THSD4: variants seen among roughly 807,000 people sequenced by gnomAD.
THSD4 encodes the protein thrombospondin type-1 domain-containing protein 4.
In THSD4, 69 loss-of-function variants were observed where a neutral mutation model predicts 119.0. The observed-to-expected ratio is 0.58, with a 90% CI of 0.48 to 0.71. THSD4 has a LOEUF of 0.71. Ranked by LOEUF, THSD4 falls within the 30% of genes least tolerant of loss-of-function variation. The probability of loss-of-function intolerance (pLI) is 0.00; values close to 1 mark genes in which losing one functional copy is unlikely to be tolerated. For synonymous variants in THSD4, 524 were observed against 540.4 expected (o/e 0.97, Z 0.42); for missense variants, 1,393 against 1,391.1 (o/e 1.00, Z -0.02).
At chr15:71,451,737 C>T (rs1188236243) in intron 7 of THSD4, among the ~76,000 whole-genome samples, 1 of 152,162 alleles carries the variant, frequency 6.6e-6, no homozygotes, top group Non-Finnish European at 1.5e-5. Context: ...AGAGTTCCTC[C>T]CTCCTTCTCC....
chr15:71,742,171 C>T (rs905449812), intron 11 of THSD4, among the ~76,000 whole-genome samples: 13 of 152,218 alleles, frequency 8.5e-5, no homozygotes, highest in East Asian at 3.8e-4. Context: ...TTCTCCAGTC[C>T]TCCCTGGTGG....
rs1429160978 is a variant in THSD4, at chr15:71,781,762, G to C, written c.*4388G>C. 1.3e-5 allele frequency: 2 copies of C among 152,386 alleles called. No individual in the cohort carries two copies. Among genetic ancestry groups the C allele is most frequent in the African/African-American group, 4.8e-5 (2 of 41,456 alleles). The allele number at this position is 152,386 out of a possible 1,614,324, so 9.4% of individuals were successfully genotyped here. A position where few individuals can be genotyped will look rare whatever the true frequency, so the allele number is the denominator to read the frequency against. Reference sequence around the variant, plus strand: ...ACCCATCACTGGAGGTGGAAGCAGAGGCCGTTTGCCAGGGATGCTGGAGAG... The same window carrying C: ...ACCCATCACTGGAGGTGGAAGCAGACGCCGTTTGCCAGGGATGCTGGAGAG... On this transcript the variant is annotated 3_prime_UTR_variant, in exon 18 of 18. Transcript: ENST00000261862.
chr15:71,598,668 G>A (rs1297621250), intron 7 of THSD4, among the ~76,000 whole-genome samples: 1 of 152,140 alleles, frequency 6.6e-6, no homozygotes, highest in Non-Finnish European at 1.5e-5. Context: ...CTGTCACCCA[G>A]TGTGTAGTGC....
intron 4 of THSD4, among the ~76,000 whole-genome samples, chr15:71,241,519 T>G (rs987272452): frequency 6.6e-6 from 1 of 152,220 alleles, no homozygotes; most frequent in Non-Finnish European, 1.5e-5. Context: ...GGATGATTAA[T>G]TTTTGTATTT....
At chr15:71,481,555 A>G (rs1595810168) in intron 7 of THSD4, among the ~76,000 whole-genome samples, 2 of 152,310 alleles carry the variant, frequency 1.3e-5, no homozygotes, top group Admixed American at 1.3e-4. Context: ...GATGGAGAAG[A>G]GAAGACCTTC....
At chr15:71,696,378 A>G (rs967308927) in intron 8 of THSD4, among the ~76,000 whole-genome samples, 3 of 152,172 alleles carry the variant, frequency 2.0e-5, no homozygotes, top group African/African-American at 7.2e-5. Flanking sequence ...ACTAGGACTA[A>G]TACAATCTCA....
At chr15:71,750,333 C>T (rs536665285) in intron 14 of THSD4, among the ~76,000 whole-genome samples, 37 of 152,296 alleles carry the variant, frequency 2.4e-4, no homozygotes, top group Middle Eastern at 6.8e-3. Flanking sequence ...GGTCAATGGC[C>T]ACCATGCACC....
Position 71,518,526 on chromosome 15 carries a change from T to C in THSD4, c.1152+106703T>C, listed in dbSNP as rs146392406. 2.4e-3 allele frequency among the ~76,000 whole-genome samples: 363 copies of C among 152,272 alleles called. 3 individuals carry two copies. The highest frequency in any genetic ancestry group is 8.5e-3 in the African/African-American group (355 of 41,534). On this transcript the variant is annotated intron_variant, in intron 7 of 17. Coordinates refer to ENST00000261862, the MANE Select transcript of THSD4 (RefSeq NM_024817.3). ...TTAAGTGACTTTAATCTTAGTAAAGTTTTAAGGTTTATGTTATCCTCTGGA... is the reference window on the plus strand; with the variant it reads ...TTAAGTGACTTTAATCTTAGTAAAGCTTTAAGGTTTATGTTATCCTCTGGA...
At chr15:71,598,909 A>G (rs1216594369) in intron 7 of THSD4, among the ~76,000 whole-genome samples, 2 of 152,140 alleles carry the variant, frequency 1.3e-5, no homozygotes, top group Non-Finnish European at 2.9e-5. Flanking sequence ...GAGCCACCGC[A>G]TCTGACCGGA....
chr15:71,346,868 CTTTTT>C (rs71154763), intron 6 of THSD4, among the ~76,000 whole-genome samples: 17 of 86,004 alleles, frequency 2.0e-4, no homozygotes, highest in Admixed American at 1.2e-3. Flanking sequence ...TTTTCATTTT[CTTTTT>C]TTTTTTTTTT....
At chr15:71,159,945 A>G (rs1427478217) in intron 3 of THSD4, among the ~76,000 whole-genome samples, 1 of 152,100 alleles carries the variant, frequency 6.6e-6, no homozygotes, top group East Asian at 1.9e-4. Flanking sequence ...GTATAATGTT[A>G]GCTGTGACTT....
chr15:71,426,365 CTGTGTGTGTGTGTGTGTGTGTGTGTGTG>C (rs199965138), intron 7 of THSD4, among the ~76,000 whole-genome samples: 2 of 102,494 alleles, frequency 2.0e-5, no homozygotes, highest in Non-Finnish European at 4.5e-5. Context: ...GTAAGTATAG[CTGTGTGTGTGTGTGTGTGTGTGTGTGTG>C]TGTGTGTGTG....
chr15:71,425,584 GTCAGTC>G (rs1402232403), intron 7 of THSD4, among the ~76,000 whole-genome samples: 2 of 152,092 alleles, frequency 1.3e-5, no homozygotes, highest in Non-Finnish European at 2.9e-5. Flanking sequence ...ATGGGAATGT[GTCAGTC>G]CCTAACACTG....
intron 3 of THSD4, among the ~76,000 whole-genome samples, chr15:71,155,404 C>T (rs1487408923): frequency 6.6e-6 from 1 of 152,214 alleles, no homozygotes; most frequent in Non-Finnish European, 1.5e-5. Context: ...CAATCACCTT[C>T]CACCAGGCCC....
rs781256732 is a variant in THSD4, at chr15:71,745,197, C to T, written c.1998C>T (p.Pro666=). The change falls in exon 12 of 18, where the codon CCC becomes CCT. Residue 666 remains proline (P), a synonymous_variant. Coordinates refer to ENST00000261862, the MANE Select transcript of THSD4 (RefSeq NM_024817.3). Reference sequence around the variant, plus strand: ...GTGACTCCAGCATGAAGCCGACCCCCGAGGAGGAGCCCTGCAACATCTTCC... The same window carrying T: ...GTGACTCCAGCATGAAGCCGACCCCTGAGGAGGAGCCCTGCAACATCTTCC... ...SYCDSSMKPT[P]EEEPCNIFPC... The T allele has an allele frequency of 6.8e-6, 11 of 1,613,536 alleles. No homozygotes were observed. Among genetic ancestry groups the T allele is most frequent in the Middle Eastern group, 1.8e-4 (1 of 5,588 alleles).
intron 6 of THSD4, among the ~76,000 whole-genome samples, chr15:71,380,278 A>G (rs2030383007): frequency 6.6e-6 from 1 of 152,104 alleles, no homozygotes; most frequent in African/African-American, 2.4e-5. Context: ...AACTTTGGGC[A>G]TTGGTGCCAC....
At chr15:71,543,370 G>A (rs1307145260) in intron 7 of THSD4, among the ~76,000 whole-genome samples, 2 of 152,122 alleles carry the variant, frequency 1.3e-5, no homozygotes, top group Non-Finnish European at 2.9e-5. Context: ...GAACAAGAAG[G>A]TTGCTACATA....
At chr15:71,772,376 A>C (rs1052318515) in intron 17 of THSD4, among the ~76,000 whole-genome samples, 1 of 152,180 alleles carries the variant, frequency 6.6e-6, no homozygotes, top group Non-Finnish European at 1.5e-5. Flanking sequence ...TACCAAAAAA[A>C]CCCATAAATT....
intron 6 of THSD4, among the ~76,000 whole-genome samples, chr15:71,315,351 T>G (rs575513416): frequency 7.2e-5 from 11 of 152,358 alleles, no homozygotes; most frequent in African/African-American, 2.6e-4. Context: ...CCCTTCACAC[T>G]TTTATTATGA....
Sources: allele counts gnomAD v4.1 joint callset (sites outside exome capture counted in the v4.1 genomes callset), GRCh38; gene constraint gnomAD v4.1.1; transcripts MANE v1.5; gene names NCBI Gene and HGNC (gene_info 2026-07-23, HGNC 2026-07-21).